MITF: variants seen among roughly 807,000 people sequenced by gnomAD.
MITF encodes microphthalmia-associated transcription factor.
In MITF, 17 loss-of-function variants were observed where a neutral mutation model predicts 60.5. That is an observed-to-expected ratio of 0.28 (90% CI 0.19 to 0.42). MITF has a LOEUF of 0.42. MITF is among the 10% of genes least tolerant of loss of function. The probability of loss-of-function intolerance (pLI) is 1.00; values close to 1 mark genes in which losing one functional copy is unlikely to be tolerated. For synonymous variants in MITF, 260 were observed against 248.5 expected (o/e 1.05, Z -0.43); for missense variants, 622 against 683.5 (o/e 0.91, Z 1.00).
chr3:69,759,779 C>A (rs376568671), intron 1 of MITF, among the ~76,000 whole-genome samples: 1 of 152,048 alleles, frequency 6.6e-6, no homozygotes, highest in Non-Finnish European at 1.5e-5. Flanking sequence ...GGTACCTGAT[C>A]GCTCTCTTTT....
chr3:69,896,716 A>T (rs560275700), intron 2 of MITF, among the ~76,000 whole-genome samples: 1 of 152,340 alleles, frequency 6.6e-6, no homozygotes, highest in Admixed American at 6.5e-5. Context: ...GTTAGAGCAT[A>T]AACACCTGAA....
intron 7 of MITF, 26 bp from the exon 8 acceptor site, chr3:69,956,429 G>C: frequency 6.3e-7 from 1 of 1,585,768 alleles, no homozygotes; most frequent in Non-Finnish European, 8.7e-7. Flanking sequence ...GTTACTAATA[G>C]CCTTTCCTGT....
At chr3:69,948,574 C>T (rs2066159315) in intron 5 of MITF, among the ~76,000 whole-genome samples, 1 of 151,094 alleles carries the variant, frequency 6.6e-6, no homozygotes, top group Admixed American at 6.6e-5. Context: ...ATTGCTTTTC[C>T]TTGTAAAAGA....
intron 2 of MITF, among the ~76,000 whole-genome samples, chr3:69,909,959 C>T (rs1196830153): frequency 6.6e-6 from 1 of 152,180 alleles, no homozygotes; most frequent in Non-Finnish European, 1.5e-5. Flanking sequence ...TAATGTTAAT[C>T]CCCAAGATCA....
chr3:69,816,031 G>T (rs952118402), intron 1 of MITF, among the ~76,000 whole-genome samples: 1 of 152,110 alleles, frequency 6.6e-6, no homozygotes, highest in Non-Finnish European at 1.5e-5. Context: ...CTGCAGGTTG[G>T]AACTTGAATG....
At chr3:69,746,164 T>A (rs1241020283) in intron 1 of MITF, among the ~76,000 whole-genome samples, 1 of 152,212 alleles carries the variant, frequency 6.6e-6, no homozygotes, top group Non-Finnish European at 1.5e-5. Context: ...TATTGGAGAT[T>A]TCCTTTTCCC....
chr3:69,949,614 T>A (rs1434839728), intron 6 of MITF, among the ~76,000 whole-genome samples: 1 of 152,244 alleles, frequency 6.6e-6, no homozygotes, highest in Non-Finnish European at 1.5e-5. Flanking sequence ...CATAAGAATA[T>A]ATTTCTCACA....
At chr3:69,864,887 C>T (rs1230645323) in intron 1 of MITF, among the ~76,000 whole-genome samples, 1 of 152,168 alleles carries the variant, frequency 6.6e-6, no homozygotes, top group Non-Finnish European at 1.5e-5. Context: ...ACTCAGATCT[C>T]AGACCAGAAG....
chr3:69,831,647 G>T (rs1222748551), intron 1 of MITF, among the ~76,000 whole-genome samples: 1 of 152,130 alleles, frequency 6.6e-6, no homozygotes, highest in Non-Finnish European at 1.5e-5. Flanking sequence ...TGCTTGGGTT[G>T]TTTGCTTTGT....
chr3:69,902,307 C>G (rs896789223), intron 2 of MITF, among the ~76,000 whole-genome samples: 4 of 152,050 alleles, frequency 2.6e-5, no homozygotes, highest in Admixed American at 2.6e-4. Flanking sequence ...AAGGCCATGA[C>G]AGCTAACCCC....
intron 5 of MITF, among the ~76,000 whole-genome samples, chr3:69,944,383 A>G (rs967863119): frequency 1.3e-5 from 2 of 152,124 alleles, no homozygotes; most frequent in African/African-American, 2.4e-5. Flanking sequence ...CAGAGAGGCC[A>G]TCTCAAGGGA....
intron 1 of MITF, among the ~76,000 whole-genome samples, chr3:69,870,791 C>A (rs2064220757): frequency 6.6e-6 from 1 of 152,098 alleles, no homozygotes; most frequent in Non-Finnish European, 1.5e-5. Flanking sequence ...TGTAGCCAGT[C>A]CAGCTCTGGA....
intron 1 of MITF, among the ~76,000 whole-genome samples, chr3:69,827,115 C>G (rs1416177467): frequency 6.6e-6 from 1 of 152,176 alleles, no homozygotes; most frequent in Non-Finnish European, 1.5e-5. Flanking sequence ...CTTTGACAGC[C>G]TCTCACCAGT....
At chr3:69,945,747 C>T (rs1229639509) in intron 5 of MITF, among the ~76,000 whole-genome samples, 1 of 152,164 alleles carries the variant, frequency 6.6e-6, no homozygotes, top group African/African-American at 2.4e-5. Context: ...GGATGCTTAA[C>T]AGCATCCCTG....
chr3:69,959,273 A>C lies in MITF; in HGVS notation c.1032A>C (p.Pro344=). The C allele has an allele frequency of 6.2e-7, 1 of 1,614,088 alleles. No individual in the cohort carries two copies. Among genetic ancestry groups the C allele is most frequent in the Non-Finnish European group, 8.5e-7 (1 of 1,179,996 alleles). The stretch of plus-strand genomic sequence containing the variant: ...CTGTTTTCCTCCATTTTCATCGCAG[A>C]GACATGCGCTGGAACAAGGGAACCA... The part of the protein sequence containing the change: ...LGTLIPKSND[P]DMRWNKGTIL... Residue 344 remains proline, a splice_region_variant and synonymous_variant, in exon 9 of 10, where the codon CCA becomes CCC. Coordinates refer to ENST00000352241, the MANE Select transcript of MITF (RefSeq NM_001354604.2).
chr3:69,761,409 A>G (rs1237240815), intron 1 of MITF, among the ~76,000 whole-genome samples: 2 of 152,196 alleles, frequency 1.3e-5, no homozygotes, highest in African/African-American at 2.4e-5. Context: ...AGTTACTCAA[A>G]TAAGGTTGAA....
intron 1 of MITF, among the ~76,000 whole-genome samples, chr3:69,828,712 A>C (rs549809302): frequency 6.6e-6 from 1 of 152,274 alleles, no homozygotes; most frequent in African/African-American, 2.4e-5. Flanking sequence ...AATGAGTGAT[A>C]ATCTGACCCT....
At chr3:69,910,033 G>A (rs2065189052) in intron 2 of MITF, among the ~76,000 whole-genome samples, 1 of 152,144 alleles carries the variant, frequency 6.6e-6, no homozygotes, top group South Asian at 2.1e-4. Flanking sequence ...CACAGGCCTG[G>A]AGGCCCAGGA....
intron 1 of MITF, among the ~76,000 whole-genome samples, chr3:69,820,933 G>T (rs754692904): frequency 7.2e-5 from 11 of 152,118 alleles, no homozygotes; most frequent in Non-Finnish European, 1.5e-4. Context: ...GTGTGTGTAT[G>T]TGTCTGTGTG....
Sources: gnomAD v4.1 joint callset for allele counts (sites outside exome capture counted in the v4.1 genomes callset) on GRCh38, gnomAD v4.1.1 for gene constraint, MANE v1.5 for transcripts, NCBI Gene and HGNC (gene_info 2026-07-23, HGNC 2026-07-21) for gene names.